UGP2: variants seen among roughly 807,000 people sequenced by gnomAD.
UGP2 encodes the protein UTP--glucose-1-phosphate uridylyltransferase.
In UGP2, 40 loss-of-function variants were observed where a neutral mutation model predicts 49.0. The ratio of observed to expected loss-of-function variants is 0.82; its 90% CI spans 0.63 to 1.06. UGP2 has a LOEUF of 1.06. Among genes scored for constraint, UGP2 ranks in the 50% least tolerant of loss-of-function variants. The probability of loss-of-function intolerance (pLI) is 0.00; values close to 1 mark genes in which losing one functional copy is unlikely to be tolerated. For synonymous variants in UGP2, 225 were observed against 213.0 expected (o/e 1.06, Z -0.49); for missense variants, 460 against 603.5 (o/e 0.76, Z 2.49).
At chr2:63,841,790 G>A (rs1462310719), upstream of UGP2, 1 of 166,004 alleles carries the variant, frequency 6.0e-6, no homozygotes, top group Non-Finnish European at 1.3e-5. Flanking sequence ...AGTGCCTCCT[G>A]CAGTACAGCC....
Position 63,872,880 on chromosome 2 carries a change from G to T in UGP2, c.256-9586G>T, listed in dbSNP as rs75917669. Among the ~76,000 whole-genome samples, 1,278 of 152,170 alleles carry T rather than the reference G, an allele frequency of 8.4e-3. 29 individuals are homozygous for T. Among genetic ancestry groups the T allele is most frequent in the African/African-American group, 0.03 (1,232 of 41,480 alleles). On this transcript the variant is annotated intron_variant, in intron 3 of 9. Transcript: ENST00000337130. Reference sequence around the variant, plus strand: ...AGCCAAGCAAAACATGCTGGACGAGGTGTTGGTGCTCTGTATGCCAGTAGA... The same window carrying T: ...AGCCAAGCAAAACATGCTGGACGAGTTGTTGGTGCTCTGTATGCCAGTAGA...
At chr2:63,882,438 T>C (rs373856730) in intron 3 of UGP2, 28 bp from the exon 4 acceptor site, 28 of 1,510,606 alleles carry the variant, frequency 1.9e-5, no homozygotes, top group Non-Finnish European at 2.4e-5. Context: ...CTGTTTAAAT[T>C]ACTCCTATAA....
In UGP2 at chr2:63,885,843, A is replaced by G. The variant is rs765525123; in HGVS notation, c.830A>G (p.Glu277Gly). The change falls in exon 6 of 10, where the codon GAA becomes GGA. Residue 277 changes from glutamate to glycine, a missense_variant. Coordinates refer to ENST00000337130, the MANE Select transcript of UGP2 (RefSeq NM_006759.4). The part of the protein sequence containing the change: ...LMNPPNGKRC[E>G]FVMEVTNKTR... ...AACCCACCCAATGGAAAACGCTGTG[A>G]ATTTGTCATGGAAGTCACAAATAAA... The G allele has an allele frequency of 1.2e-6, 2 of 1,601,292 alleles. No homozygotes were observed. The highest frequency in any genetic ancestry group is 1.7e-6 in the Non-Finnish European group (2 of 1,175,014).
intron 1 of UGP2, among the ~76,000 whole-genome samples, chr2:63,848,446 C>T (rs1299757214): frequency 1.3e-5 from 2 of 152,214 alleles, no homozygotes; most frequent in African/African-American, 4.8e-5. Context: ...TCACCACAAC[C>T]TCCGCCTCCC....
At chr2:63,856,165 C>T in intron 1 of UGP2, 141 bp from the exon 2 acceptor site, 2 of 1,021,768 alleles carry the variant, frequency 2.0e-6, no homozygotes, top group South Asian at 1.7e-5. Flanking sequence ...GTTGACACCA[C>T]TGAATTACTG....
At chr2:63,849,603 T>C (rs947135115) in intron 1 of UGP2, among the ~76,000 whole-genome samples, 3 of 152,234 alleles carry the variant, frequency 2.0e-5, no homozygotes, top group Admixed American at 2.0e-4. Context: ...AAAGTATTAT[T>C]CTAATTGTAG....
At chr2:63,879,859 C>G (rs1205108203) in intron 3 of UGP2, among the ~76,000 whole-genome samples, 1 of 151,946 alleles carries the variant, frequency 6.6e-6, no homozygotes, top group Non-Finnish European at 1.5e-5. Context: ...AAAGTGTAGT[C>G]AAAACATAAA....
chr2:63,864,252 T>C (rs190752393), intron 3 of UGP2, among the ~76,000 whole-genome samples: 1 of 152,272 alleles, frequency 6.6e-6, no homozygotes, highest in East Asian at 1.9e-4. Context: ...AAGAGGAAAC[T>C]GAAGTTCAGA....
chr2:63,885,420 A>G (rs775232901), intron 5 of UGP2, among the ~76,000 whole-genome samples, 169 bp from the exon 6 acceptor site: 35 of 152,188 alleles, frequency 2.3e-4, no homozygotes, highest in Non-Finnish European at 4.0e-4. Context: ...ATTTTGGACA[A>G]CACAGATACT....
intron 3 of UGP2, 92 bp downstream of exon 3, chr2:63,858,028 A>C (rs529497612): frequency 5.7e-5 from 65 of 1,149,738 alleles, no homozygotes; most frequent in Non-Finnish European, 7.8e-5. Context: ...GACCTATAAC[A>C]ATCATGTGAG....
intron 1 of UGP2, among the ~76,000 whole-genome samples, chr2:63,844,896 A>G (rs369752794): frequency 6.6e-6 from 1 of 152,332 alleles, no homozygotes; most frequent in South Asian, 2.1e-4. Context: ...CTAAAACCCT[A>G]GTCCTTCCCG....
rs1670643647 is a variant in UGP2, at chr2:63,872,771, T to C, written c.256-9695T>C. ...TCAGACATTTCTCACTGCAGCCAGC[T>C]ATTGCATGCCAGTGCCCTCAAAAAA... On this transcript the variant is annotated intron_variant, in intron 3 of 9. Coordinates refer to ENST00000337130, the MANE Select transcript of UGP2 (RefSeq NM_006759.4). Among the ~76,000 whole-genome samples, 4 of 151,092 alleles carry C rather than the reference T, an allele frequency of 2.6e-5. No individual in the cohort carries two copies. The South Asian group carries it at 8.4e-4, about 32-fold the overall frequency.
intron 3 of UGP2, among the ~76,000 whole-genome samples, chr2:63,879,120 G>A (rs550308180): frequency 6.6e-6 from 1 of 152,050 alleles, no homozygotes; most frequent in African/African-American, 2.4e-5. Flanking sequence ...TTAATGCTAT[G>A]AATGTTAGTA....
At position 63,890,152 on chromosome 2, in the gene UGP2, A is replaced by G. The variant is rs1285100408; in HGVS notation, c.1386A>G (p.Gly462=). The G allele has an allele frequency of 6.2e-6, 10 of 1,611,272 alleles. No homozygotes were observed. The highest frequency in any genetic ancestry group is 8.5e-6 in the Non-Finnish European group (10 of 1,179,096). Residue 462 remains glycine (G), a synonymous_variant, in exon 9 of 10, where the codon GGA becomes GGG. Transcript: ENST00000337130. ...MLELDHLTVS[G]DVTFGKNVSL... is the part of the protein sequence containing the mutation. ...AATTGGATCACCTCACAGTTTCAGG[A>G]GATGTGACATTTGGAAAAAATGTTT...
At chr2:63,877,941 C>T (rs899721030) in intron 3 of UGP2, among the ~76,000 whole-genome samples, 3 of 132,636 alleles carry the variant, frequency 2.3e-5, no homozygotes, top group African/African-American at 5.7e-5. Flanking sequence ...TGCAGTGAGC[C>T]GAGATTGCGC....
At chr2:63,887,760 CTCTG>C (rs1671790619) in intron 8 of UGP2, 116 bp downstream of exon 8, 2 of 1,354,608 alleles carry the variant, frequency 1.5e-6, no homozygotes, top group South Asian at 1.4e-5. Flanking sequence ...TGTTGTATTC[CTCTG>C]TCTTTGATAC....
At chr2:63,888,198 A>C (rs1376724126) in intron 8 of UGP2, 1 of 154,888 alleles carries the variant, frequency 6.5e-6, no homozygotes. Flanking sequence ...GAGTGGCCAC[A>C]GGCAGCCTCA....
intron 3 of UGP2, among the ~76,000 whole-genome samples, chr2:63,860,145 T>A (rs1669734855): frequency 6.6e-6 from 1 of 152,122 alleles, no homozygotes; most frequent in Non-Finnish European, 1.5e-5. Flanking sequence ...TTAAAAAAAA[T>A]GCAAATAATA....
At chr2:63,862,352 A>G (rs749057341) in intron 3 of UGP2, among the ~76,000 whole-genome samples, 28 of 152,130 alleles carry the variant, frequency 1.8e-4, no homozygotes, top group Non-Finnish European at 4.1e-4. Flanking sequence ...AAGCAGACAT[A>G]CTAATTTAGC....
Sources: allele counts gnomAD v4.1 joint callset (sites outside exome capture counted in the v4.1 genomes callset), GRCh38; gene constraint gnomAD v4.1.1; transcripts MANE v1.5; gene names NCBI Gene and HGNC (gene_info 2026-07-23, HGNC 2026-07-21).